C1QTNF2: variants seen among roughly 807,000 people sequenced by gnomAD.
C1QTNF2 encodes the protein C1q and TNF related 2.
A neutral mutation model predicts 17.4 loss-of-function variants in C1QTNF2; 15 were observed. That is an observed-to-expected ratio of 0.86 (90% CI 0.58 to 1.33). The LOEUF is 1.33. Among genes scored for constraint, C1QTNF2 ranks in the 40% most tolerant of loss-of-function variants. The pLI is 0.00. For missense variants in C1QTNF2, 381 were observed against 392.3 expected (o/e 0.97, Z 0.24); for synonymous variants, 154 against 163.3 (o/e 0.94, Z 0.44).
chr5:160,362,819 A>T (rs1764178635), intron 1 of C1QTNF2, among the ~76,000 whole-genome samples: 1 of 152,194 alleles, frequency 6.6e-6, no homozygotes, highest in Non-Finnish European at 1.5e-5. Context: ...AAGTCAGTTC[A>T]TCTTATCTGG....
At chr5:160,354,234 T>C (rs1183505208) in intron 2 of C1QTNF2, among the ~76,000 whole-genome samples, 5 of 152,074 alleles carry the variant, frequency 3.3e-5, no homozygotes, top group Admixed American at 6.6e-5. Context: ...AACCCAAAGG[T>C]GCACCGGGGG....
chr5:160,354,594 AAAAGTATAT>A (rs1264414452), intron 2 of C1QTNF2, among the ~76,000 whole-genome samples, 165 bp downstream of exon 2: 761 of 43,366 alleles, frequency 0.018, 21 homozygotes, highest in African/African-American at 0.051. Flanking sequence ...GAAAAAAAAA[AAAAGTATAT>A]ATATATATAT....
intron 1 of C1QTNF2, among the ~76,000 whole-genome samples, chr5:160,369,042 T>A (rs772485297): frequency 7.6e-6 from 1 of 132,114 alleles, no homozygotes; most frequent in East Asian, 2.2e-4. Flanking sequence ...GAATGTAAAG[T>A]ATGCTTCTCT....
In C1QTNF2 at chr5:160,349,298, T is replaced by A; in HGVS notation, c.728A>T (p.Gln243Leu). 6.2e-7 allele frequency: 1 copy of A among 1,614,026 alleles called. No individual in the cohort carries two copies. Among genetic ancestry groups the A allele is most frequent in the Non-Finnish European group, 8.5e-7 (1 of 1,179,986 alleles). ...GATCTGCAGCCAAACTTCGTCACCC[T>A]GCTTGAGAGCCAGGATGGTGGAGCC... Reference protein sequence around the residue: ...ASGSTILALKQGDEVWLQIFY... With the variant: ...ASGSTILALKLGDEVWLQIFY... Residue 243 changes from glutamine to leucine, a missense_variant, in exon 3 of 3, where the codon CAG becomes CTG. By Grantham distance (113) the Gln-to-Leu change is moderately radical. Coordinates refer to ENST00000652664, the MANE Select transcript of C1QTNF2 (RefSeq NM_031908.6). This position sits in a 1 kb window ranked among gnomAD's most constrained non-coding sequence, Gnocchi z 4.3.
intron 1 of C1QTNF2, among the ~76,000 whole-genome samples, chr5:160,356,094 C>T (rs144209509): frequency 0.015 from 2,228 of 152,348 alleles, 39 homozygotes; most frequent in South Asian, 0.039. Flanking sequence ...CCTGCCCTCA[C>T]TATGCATACG....
intron 1 of C1QTNF2, among the ~76,000 whole-genome samples, chr5:160,358,868 C>T (rs1343948473): frequency 6.6e-6 from 1 of 152,286 alleles, no homozygotes; most frequent in African/African-American, 2.4e-5. Flanking sequence ...GCAACCTCCA[C>T]CTCTCGGACT....
Position 160,348,612 on chromosome 5 carries a change from T to A in C1QTNF2, c.*556A>T, listed in dbSNP as rs1763846244. The A allele has an allele frequency of 1.3e-5, 2 of 152,622 alleles. 1 individual carries two copies. 9.5% of individuals were successfully genotyped at this position (152,622 alleles called of 1,614,324 possible). Reference sequence around the variant, plus strand: ...GCTTTTGGGGAAGGGAGGTGAGAAGTTGGAAATAGCTTGTTCTTTGATCTA... The same window carrying A: ...GCTTTTGGGGAAGGGAGGTGAGAAGATGGAAATAGCTTGTTCTTTGATCTA... On this transcript the variant is annotated 3_prime_UTR_variant, in exon 3 of 3. Coordinates refer to ENST00000652664, the MANE Select transcript of C1QTNF2 (RefSeq NM_031908.6).
intron 1 of C1QTNF2, among the ~76,000 whole-genome samples, chr5:160,367,159 C>A (rs1370008809): frequency 6.6e-6 from 1 of 152,140 alleles, no homozygotes; most frequent in East Asian, 1.9e-4. Context: ...TTATCAGTGG[C>A]CTCACACAGA....
chr5:160,357,558 T>C (rs1764073564), intron 1 of C1QTNF2, among the ~76,000 whole-genome samples: 1 of 152,178 alleles, frequency 6.6e-6, no homozygotes, highest in Non-Finnish European at 1.5e-5. Flanking sequence ...GGAAAACTGG[T>C]TGGCCTTATT....
At chr5:160,362,550 C>T (rs1764173398) in intron 1 of C1QTNF2, among the ~76,000 whole-genome samples, 1 of 152,206 alleles carries the variant, frequency 6.6e-6, no homozygotes, top group African/African-American at 2.4e-5. Flanking sequence ...TCTGACTCAT[C>T]CTTGAATTCC....
At chr5:160,361,518 G>A (rs1224773806) in intron 1 of C1QTNF2, among the ~76,000 whole-genome samples, 2 of 152,216 alleles carry the variant, frequency 1.3e-5, no homozygotes, top group African/African-American at 4.8e-5. Flanking sequence ...TGACAGATAG[G>A]AGTGGCATTT....
chr5:160,356,072 A>G (rs887950130), intron 1 of C1QTNF2, among the ~76,000 whole-genome samples: 13 of 152,214 alleles, frequency 8.5e-5, no homozygotes, highest in Non-Finnish European at 1.5e-4. Context: ...ATGCACCTGG[A>G]GGTATCTACT....
At chr5:160,367,787 G>A (rs1764273207) in intron 1 of C1QTNF2, among the ~76,000 whole-genome samples, 1 of 152,176 alleles carries the variant, frequency 6.6e-6, no homozygotes, top group African/African-American at 2.4e-5. Context: ...CAAATGTCAT[G>A]CATCCCATTC....
At chr5:160,356,827 CT>C (rs1193235980) in intron 1 of C1QTNF2, among the ~76,000 whole-genome samples, 2 of 152,184 alleles carry the variant, frequency 1.3e-5, no homozygotes, top group Non-Finnish European at 2.9e-5. Context: ...CCTGTCCAGG[CT>C]TTTCGGCTGC....
rs757653451 is a variant in C1QTNF2 at position 160,349,620 on chromosome 5, C to T, written c.406G>A (p.Gly136Ser). The T allele has an allele frequency of 1.2e-6, 2 of 1,613,730 alleles. No homozygotes were observed. The highest frequency in any genetic ancestry group is 2.2e-5 in the South Asian group (2 of 91,072). Residue 136 changes from glycine (G) to serine (S), a missense_variant, in exon 3 of 3, where the codon GGC (glycine) becomes AGC (serine). Transcript: ENST00000652664. This position sits in a 1 kb window ranked among gnomAD's most constrained non-coding sequence, Gnocchi z 4.3. The stretch of plus-strand genomic sequence containing the variant: ...CCACAGCTGCAGGGGCCTGGGAGGC[C>T]TGGCTCCCCCTTCTTGCCCTTGGGC... ...KGPKGKKGEP[G>S]LPGPCSCGSG...
chr5:160,355,251 C>T (rs966286210), intron 1 of C1QTNF2: 38 of 984,926 alleles, frequency 3.9e-5, no homozygotes, highest in Non-Finnish European at 4.6e-5. Context: ...GAAGGGGTCT[C>T]GGGGGTGAGG....
chr5:160,362,693 C>A (rs531824180), intron 1 of C1QTNF2, among the ~76,000 whole-genome samples: 50 of 152,188 alleles, frequency 3.3e-4, no homozygotes, highest in African/African-American at 1.2e-3. Flanking sequence ...AATAAACGTG[C>A]GGATGACAAA....
At chr5:160,359,177 A>G (rs923084173) in intron 1 of C1QTNF2, among the ~76,000 whole-genome samples, 1 of 152,186 alleles carries the variant, frequency 6.6e-6, no homozygotes, top group East Asian at 1.9e-4. Flanking sequence ...ATACTCCAAG[A>G]AGTGAAGTTA....
At chr5:160,364,381 C>A (rs1271782287) in intron 1 of C1QTNF2, among the ~76,000 whole-genome samples, 2 of 152,210 alleles carry the variant, frequency 1.3e-5, no homozygotes, top group African/African-American at 2.4e-5. Context: ...AATAATAGAA[C>A]CTACCTTAGA....
Sources: gnomAD v4.1 joint callset for allele counts (sites outside exome capture counted in the v4.1 genomes callset) on GRCh38, gnomAD v4.1.1 for gene constraint, Gnocchi (gnomAD v3.1) non-coding constraint, MANE v1.5 for transcripts, NCBI Gene and HGNC (gene_info 2026-07-23, HGNC 2026-07-21) for gene names.